Variants in ASCC3 observed in about 807,000 individuals in gnomAD.
ASCC3 encodes ASC-1 complex subunit P200.
Under a neutral mutation model 256.3 loss-of-function variants are expected in ASCC3, and 158 were observed. That is an observed-to-expected ratio of 0.62 (90% CI 0.54 to 0.70). The LOEUF is 0.70. Among genes scored for constraint, ASCC3 ranks in the 30% least tolerant of loss-of-function variants. The probability of loss-of-function intolerance (pLI) is 0.00; values close to 1 mark genes in which losing one functional copy is unlikely to be tolerated. For missense variants in ASCC3, 2,259 were observed against 2,626.0 expected, an observed-to-expected ratio of 0.86 and a Z score of 3.05; for synonymous variants, 948 against 883.4, an observed-to-expected ratio of 1.07 and a Z score of -1.30.
At position 100,721,512 on chromosome 6, in the gene ASCC3, T is replaced by C. The variant is rs1582755434; in HGVS notation, c.1903-3261A>G. Among the ~76,000 whole-genome samples, 4 of 151,720 alleles carry C rather than the reference T, an allele frequency of 2.6e-5. No homozygotes were observed. The East Asian group carries it at 5.8e-4, about 22-fold the overall frequency. On this transcript the variant is annotated intron_variant, in intron 11 of 41. Coordinates refer to ENST00000369162, the MANE Select transcript of ASCC3 (RefSeq NM_006828.4). Reference sequence around the variant, plus strand: ...CAGAGCACATGCCTTGTAGGAATAATGGACCTAGAGAATAGAGATGATAGT... The same window carrying C: ...CAGAGCACATGCCTTGTAGGAATAACGGACCTAGAGAATAGAGATGATAGT...
chr6:100,610,841 C>T (rs988741026), intron 30 of ASCC3, among the ~76,000 whole-genome samples: 1 of 152,128 alleles, frequency 6.6e-6, no homozygotes, highest in East Asian at 1.9e-4. Flanking sequence ...TCTCATTAGA[C>T]AACTTATTCT....
intron 37 of ASCC3, among the ~76,000 whole-genome samples, chr6:100,518,683 G>T (rs116585919): frequency 0.016 from 2,434 of 152,140 alleles, 64 homozygotes; most frequent in African/African-American, 0.056. Flanking sequence ...TGGTACATGT[G>T]GAATGATGAG....
In ASCC3 at chr6:100,751,702, A is replaced by C. The variant is rs1017176797; in HGVS notation, c.1737+14863T>G. On this transcript the variant is annotated intron_variant, in intron 10 of 41. Transcript: ENST00000369162. The stretch of plus-strand genomic sequence containing the variant: ...GTAAACATTTGTCCATTTACTGCTA[A>C]CGCCAAGTTGCAGGGTTTCAGCTTA... Among the ~76,000 whole-genome samples the C allele has an allele frequency of 2.0e-5, 3 of 152,266 alleles. No individual in the cohort carries two copies. The East Asian group carries it at 5.8e-4, about 29-fold the overall frequency.
At chr6:100,797,659 A>C (rs1769698588) in intron 8 of ASCC3, among the ~76,000 whole-genome samples, 1 of 152,040 alleles carries the variant, frequency 6.6e-6, no homozygotes. Context: ...TCAAAAAATC[A>C]TTCCCAAAAT....
At chr6:100,810,972 T>C (rs1356173945) in intron 4 of ASCC3, among the ~76,000 whole-genome samples, 1 of 152,192 alleles carries the variant, frequency 6.6e-6, no homozygotes. Flanking sequence ...TCCTTTCTTA[T>C]ATCCTTCAGG....
At chr6:100,808,200 C>T (rs565352809) in intron 4 of ASCC3, among the ~76,000 whole-genome samples, 9 of 151,738 alleles carry the variant, frequency 5.9e-5, no homozygotes, top group South Asian at 4.2e-4. Flanking sequence ...TAATCAAATG[C>T]GTCAACATTC....
intron 8 of ASCC3, among the ~76,000 whole-genome samples, chr6:100,788,549 A>G (rs1769198180): frequency 6.6e-6 from 1 of 152,032 alleles, no homozygotes; most frequent in Non-Finnish European, 1.5e-5. Flanking sequence ...AGTTGCAAAC[A>G]AGCTAAAAGT....
intron 30 of ASCC3, 118 bp from the exon 31 acceptor site, chr6:100,607,206 A>G: frequency 9.6e-7 from 1 of 1,046,352 alleles, no homozygotes; most frequent in South Asian, 1.4e-5. Flanking sequence ...CATAAAATAT[A>G]AGTCCTATAT....
intron 8 of ASCC3, among the ~76,000 whole-genome samples, chr6:100,791,903 C>T (rs1769366367): frequency 6.6e-6 from 1 of 151,794 alleles, no homozygotes; most frequent in South Asian, 2.1e-4. Flanking sequence ...CCTGGAATAA[C>T]AGCCATGATG....
chr6:100,605,521 A>T (rs943894887), intron 33 of ASCC3, 47 bp downstream of exon 33: 3 of 1,364,778 alleles, frequency 2.2e-6, no homozygotes, highest in Non-Finnish European at 3.1e-6. Flanking sequence ...AAAAACACCA[A>T]CTTGTGATTA....
At chr6:100,816,712 T>A (rs1263362749) in intron 4 of ASCC3, among the ~76,000 whole-genome samples, 1 of 152,012 alleles carries the variant, frequency 6.6e-6, no homozygotes, top group Non-Finnish European at 1.5e-5. Flanking sequence ...TGAGAACAGA[T>A]GAACACATAG....
At chr6:100,763,812 C>A (rs534140380) in intron 10 of ASCC3, among the ~76,000 whole-genome samples, 2 of 152,284 alleles carry the variant, frequency 1.3e-5, no homozygotes, top group South Asian at 4.2e-4. Flanking sequence ...TGGGGCTGCA[C>A]TCTCATTGGC....
At chr6:100,668,342 G>T (rs565099360) in intron 14 of ASCC3, among the ~76,000 whole-genome samples, 1 of 152,008 alleles carries the variant, frequency 6.6e-6, no homozygotes, top group Non-Finnish European at 1.5e-5. Context: ...AGAGCACTTT[G>T]TAAAATTCAG....
At chr6:100,627,180 G>A (rs1240132320) in intron 29 of ASCC3, among the ~76,000 whole-genome samples, 1 of 152,088 alleles carries the variant, frequency 6.6e-6, no homozygotes, top group Non-Finnish European at 1.5e-5. Flanking sequence ...TTTGTTAGAA[G>A]AGGAAAAACT....
chr6:100,805,944 T>G, intron 4 of ASCC3, 64 bp from the exon 5 acceptor site: 2 of 1,513,166 alleles, frequency 1.3e-6, no homozygotes, highest in Non-Finnish European at 1.8e-6. Context: ...TTCAAGTTAT[T>G]AACAACCTAT....
In ASCC3 at chr6:100,662,013, A is replaced by T. The variant is rs138215392; in HGVS notation, c.2496T>A (p.Ala832=). Residue 832 remains alanine (A), a synonymous_variant, in exon 16 of 42, where the codon GCT becomes GCA. Coordinates refer to ENST00000369162, the MANE Select transcript of ASCC3 (RefSeq NM_006828.4). ...GGTCAACAAAGGAGCCTCTTTTTGC[A>T]GCATATATTTGTGTTCCCTAGATGA... is the stretch of plus-strand genomic sequence containing the variant. ...AVIIKGTQIY[A]AKRGSFVDLG... is the part of the protein sequence containing the mutation. 7.4e-6 allele frequency: 12 copies of T among 1,613,168 alleles called. No individual in the cohort carries two copies. The African/African-American group carries it at 1.3e-4, about 18-fold the overall frequency.
intron 10 of ASCC3, among the ~76,000 whole-genome samples, chr6:100,727,785 T>C (rs1489670682): frequency 6.6e-6 from 1 of 152,012 alleles, no homozygotes. Context: ...CACAAAGAAC[T>C]GAGCCAGAAT....
intron 10 of ASCC3, among the ~76,000 whole-genome samples, chr6:100,741,854 T>C (rs1780451194): frequency 6.6e-6 from 1 of 152,198 alleles, no homozygotes; most frequent in Non-Finnish European, 1.5e-5. Context: ...AAGTTTGTTA[T>C]AGCCTACTTC....
chr6:100,655,953 C>T, intron 16 of ASCC3, 135 bp from the exon 17 acceptor site: 1 of 915,144 alleles, frequency 1.1e-6, no homozygotes, highest in Non-Finnish European at 1.7e-6. Context: ...GGCATAGTGA[C>T]TGGACACAAC....
Sources: gnomAD v4.1 joint callset for allele counts (sites outside exome capture counted in the v4.1 genomes callset) on GRCh38, gnomAD v4.1.1 for gene constraint, MANE v1.5 for transcripts, NCBI Gene and HGNC (gene_info 2026-07-23, HGNC 2026-07-21) for gene names.